Variants in RBFOX1 observed in about 807,000 individuals in gnomAD.
RBFOX1 encodes the protein RNA binding fox-1 homolog 1, also known as RNA binding protein fox-1 homolog 1.
A neutral mutation model predicts 57.7 loss-of-function variants in RBFOX1; 8 were observed. That is an observed-to-expected ratio of 0.14 (90% CI 0.08 to 0.25). RBFOX1 has a LOEUF of 0.25. RBFOX1 is among the 10% of genes least tolerant of loss of function. The pLI is 1.00. For missense variants in RBFOX1, 611 were observed against 548.5 expected, an observed-to-expected ratio of 1.11 and a Z score of -1.14; for synonymous variants, 326 against 222.4, an observed-to-expected ratio of 1.47 and a Z score of -4.15.
intron 2 of RBFOX1, among the ~76,000 whole-genome samples, chr16:6,603,144 C>T (rs1004845214): frequency 6.6e-6 from 1 of 152,134 alleles, no homozygotes; most frequent in Non-Finnish European, 1.5e-5. Flanking sequence ...CTTTACAGAT[C>T]TAAAGAGAGA....
At chr16:6,793,514 T>C (rs1468551836) in intron 3 of RBFOX1, among the ~76,000 whole-genome samples, 1 of 152,186 alleles carries the variant, frequency 6.6e-6, no homozygotes, top group East Asian at 1.9e-4. Context: ...TTTTGGCCAT[T>C]TCCAAACATT....
chr16:7,308,185 G>C (rs1229169952), intron 4 of RBFOX1, among the ~76,000 whole-genome samples: 2 of 152,038 alleles, frequency 1.3e-5, no homozygotes, highest in East Asian at 1.9e-4. Flanking sequence ...AAGTAATAGA[G>C]GGCAAACCTT....
intron 3 of RBFOX1, among the ~76,000 whole-genome samples, chr16:6,944,711 G>C (rs766097357): frequency 1.1e-4 from 16 of 152,088 alleles, no homozygotes; most frequent in Non-Finnish European, 1.5e-5. Flanking sequence ...TGGTTTCCTG[G>C]GCAACCTTTC....
rs1230695118 is a variant in RBFOX1, at chr16:6,439,437, C to A, written c.-64+122380C>A. Among the ~76,000 whole-genome samples the A allele has an allele frequency of 2.0e-5, 3 of 152,182 alleles. No homozygotes were observed. The East Asian group carries it at 5.8e-4, about 29-fold the overall frequency. ...CCCCGGGCTGTGCCTTAGCTCAGGC[C>A]TAGGTGAAATGCCTGGGCAAGTGAT... On this transcript the variant is annotated intron_variant, in intron 2 of 15. Transcript: ENST00000550418.
intron 2 of RBFOX1, among the ~76,000 whole-genome samples, chr16:6,393,165 T>C (rs2092680861): frequency 6.6e-6 from 1 of 152,246 alleles, no homozygotes; most frequent in East Asian, 1.9e-4. Flanking sequence ...CTAATGGAGC[T>C]GGTGTGAATT....
intron 4 of RBFOX1, among the ~76,000 whole-genome samples, chr16:7,207,322 C>A (rs189884877): frequency 1.3e-5 from 2 of 152,254 alleles, no homozygotes; most frequent in East Asian, 3.9e-4. Context: ...ATGTTTCTGA[C>A]CAGATGGAAC....
intron 2 of RBFOX1, among the ~76,000 whole-genome samples, chr16:5,490,096 C>T (rs1336164598): frequency 6.6e-6 from 1 of 152,214 alleles, no homozygotes; most frequent in Non-Finnish European, 1.5e-5. Context: ...TCTACTGTGG[C>T]AGAGCTTGAT....
intron 2 of RBFOX1, among the ~76,000 whole-genome samples, chr16:6,415,810 A>G (rs151105231): frequency 1.3e-5 from 2 of 152,338 alleles, no homozygotes; most frequent in African/African-American, 4.8e-5. Context: ...TGCAGACGCA[A>G]ATGACTGTTC....
intron 4 of RBFOX1, among the ~76,000 whole-genome samples, chr16:7,088,563 G>A (rs1047842263): frequency 2.6e-5 from 4 of 151,148 alleles, no homozygotes; most frequent in Admixed American, 1.3e-4. Context: ...TCTGGAGATC[G>A]TATTAAAATA....
chr16:5,608,857 G>C (rs2047678368), intron 3 of RBFOX1, among the ~76,000 whole-genome samples: 1 of 152,160 alleles, frequency 6.6e-6, no homozygotes. Context: ...AGTCCGAGTG[G>C]TCCCTTCTGA....
chr16:7,079,903 C>T (rs1423234847), intron 4 of RBFOX1, among the ~76,000 whole-genome samples: 1 of 151,632 alleles, frequency 6.6e-6, no homozygotes, highest in Non-Finnish European at 1.5e-5. Flanking sequence ...AGAAAAAGTT[C>T]TGTGGGTGGA....
intron 5 of RBFOX1, among the ~76,000 whole-genome samples, chr16:7,556,235 A>C (rs1370686411): frequency 6.6e-6 from 1 of 152,152 alleles, no homozygotes; most frequent in African/African-American, 2.4e-5. Context: ...TCTTCGGTCA[A>C]ATCTGAGAGC....
chr16:5,420,264 T>A (rs554744516), intron 1 of RBFOX1, among the ~76,000 whole-genome samples: 1 of 152,326 alleles, frequency 6.6e-6, no homozygotes, highest in South Asian at 2.1e-4. Context: ...GTAGTTTGGT[T>A]GTTTTAGGTA....
chr16:5,366,283 C>T, intron 1 of RBFOX1: 6 of 372,650 alleles, frequency 1.6e-5, no homozygotes, highest in South Asian at 9.0e-5. Context: ...GAAGATGATG[C>T]TGGTCATGAC....
intron 2 of RBFOX1, among the ~76,000 whole-genome samples, chr16:6,430,216 A>T (rs2094040395): frequency 6.6e-6 from 1 of 152,118 alleles, no homozygotes; most frequent in Non-Finnish European, 1.5e-5. Flanking sequence ...AGACTAATAC[A>T]CCTACTGTGT....
At chr16:7,010,649 C>T (rs533386064) in intron 3 of RBFOX1, among the ~76,000 whole-genome samples, 55 of 151,968 alleles carry the variant, frequency 3.6e-4, no homozygotes, top group African/African-American at 1.1e-3. Context: ...TCTCTGGTAC[C>T]GCCTCCTGGG....
chr16:6,179,347 C>T (rs2097043187), intron 1 of RBFOX1, among the ~76,000 whole-genome samples: 3 of 152,170 alleles, frequency 2.0e-5, no homozygotes, highest in Non-Finnish European at 4.4e-5. Flanking sequence ...TCCCATATCA[C>T]CTGTGTCCGC....
chr16:5,693,633 T>G (rs140538442), intron 3 of RBFOX1, among the ~76,000 whole-genome samples: 3 of 152,298 alleles, frequency 2.0e-5, no homozygotes, highest in African/African-American at 7.2e-5. Flanking sequence ...TGTGGGTGTT[T>G]GTGAAAGACG....
intron 1 of RBFOX1, among the ~76,000 whole-genome samples, chr16:5,305,570 C>T (rs920940500): frequency 5.3e-4 from 80 of 152,238 alleles, no homozygotes; most frequent in Admixed American, 5.0e-3. Context: ...GAGATTTTAT[C>T]TAATCTTCTC....
Sources: gnomAD v4.1 joint callset for allele counts (sites outside exome capture counted in the v4.1 genomes callset) on GRCh38, gnomAD v4.1.1 for gene constraint, MANE v1.5 for transcripts, NCBI Gene and HGNC (gene_info 2026-07-23, HGNC 2026-07-21) for gene names.